Variants in SPON1 observed in about 807,000 individuals in gnomAD.
SPON1 encodes the protein spondin 1, also known as spondin-1.
Under a neutral mutation model 111.7 loss-of-function variants are expected in SPON1, and 52 were observed. The ratio of observed to expected loss-of-function variants is 0.47; its 90% CI spans 0.37 to 0.59. SPON1 has a LOEUF of 0.59. Ranked by LOEUF, SPON1 falls within the 20% of genes least tolerant of loss-of-function variation. The pLI is 0.00. For synonymous variants in SPON1, 410 were observed against 395.8 expected, an observed-to-expected ratio of 1.04 and a Z score of -0.43; for missense variants, 957 against 1,068.5, an observed-to-expected ratio of 0.90 and a Z score of 1.46.
intron 7 of SPON1, among the ~76,000 whole-genome samples, chr11:14,246,509 C>T (rs917538639): frequency 3.9e-5 from 6 of 152,116 alleles, no homozygotes; most frequent in Non-Finnish European, 7.4e-5. Flanking sequence ...TTTCCCATGT[C>T]TAAATTAATC....
chr11:14,038,967 G>A (rs1848613776), intron 2 of SPON1, among the ~76,000 whole-genome samples: 1 of 152,184 alleles, frequency 6.6e-6, no homozygotes, highest in African/African-American at 2.4e-5. Flanking sequence ...CCGTAAGTGA[G>A]TGGATAAACT....
At chr11:14,076,529 T>A (rs1848919365) in intron 4 of SPON1, among the ~76,000 whole-genome samples, 1 of 152,222 alleles carries the variant, frequency 6.6e-6, no homozygotes, top group South Asian at 2.1e-4. Flanking sequence ...TATTATATTT[T>A]TATTTTATGG....
chr11:13,980,819 G>A (rs1189919850), intron 1 of SPON1, among the ~76,000 whole-genome samples: 3 of 152,258 alleles, frequency 2.0e-5, no homozygotes, highest in East Asian at 3.9e-4. Context: ...GTGAAGCCTT[G>A]GATATAGTGT....
intron 3 of SPON1, among the ~76,000 whole-genome samples, chr11:14,064,852 GTCCT>G (rs1329533168): frequency 1.3e-5 from 2 of 152,146 alleles, no homozygotes; most frequent in Non-Finnish European, 2.9e-5. Flanking sequence ...TTCTGTGTGT[GTCCT>G]TCCTTAGGGT....
Position 14,238,062 on chromosome 11 carries a change from C to T in SPON1, c.826-5270C>T, listed in dbSNP as rs548566760. ...TTCTGAGGATTAAAACGTATATATC[C>T]ACCTTGCAAATGTGTTGTAAGGATT... On this transcript the variant is annotated intron_variant, in intron 6 of 15. Coordinates refer to ENST00000576479, the MANE Select transcript of SPON1 (RefSeq NM_006108.4). 4.1e-4 allele frequency among the ~76,000 whole-genome samples: 62 copies of T among 152,324 alleles called. 1 individual carries two copies. Among genetic ancestry groups the T allele is most frequent in the African/African-American group, 1.4e-3 (57 of 41,576 alleles).
chr11:14,194,410 C>A (rs1254269912), intron 6 of SPON1, among the ~76,000 whole-genome samples: 1 of 152,136 alleles, frequency 6.6e-6, no homozygotes, highest in African/African-American at 2.4e-5. Context: ...AAATGCCAGC[C>A]ACTGGGTCAG....
intron 2 of SPON1, among the ~76,000 whole-genome samples, chr11:13,993,404 G>A (rs1848246781): frequency 6.6e-6 from 1 of 151,670 alleles, no homozygotes; most frequent in Non-Finnish European, 1.5e-5. Flanking sequence ...AGGAACTCAG[G>A]GACTCAATTG....
At position 14,075,378 on chromosome 11, in the gene SPON1, T is replaced by G; in HGVS notation, c.513T>G (p.Phe171Leu). Residue 171 changes from phenylalanine (F) to leucine (L), a missense_variant, in exon 4 of 16, where the codon TTT becomes TTG. Around this residue, in one of 5 missense-constraint regions of SPON1, gnomAD observed 262 missense variants for 253.9 expected, o/e 1.03. Transcript: ENST00000576479. ...TCGTACAAAAACGCATTATTTATTT[T>G]CAAGATGAGGGCTCTCTGACCAAGA... Reference protein sequence around the residue: ...ASIVQKRIIYFQDEGSLTKKL... With the variant: ...ASIVQKRIIYLQDEGSLTKKL... The G allele has an allele frequency of 6.4e-7, 1 of 1,560,908 alleles. No homozygotes were observed. Among genetic ancestry groups the G allele is most frequent in the Non-Finnish European group, 8.7e-7 (1 of 1,151,458 alleles).
intron 5 of SPON1, among the ~76,000 whole-genome samples, chr11:14,091,143 C>A (rs886971558): frequency 2.0e-5 from 3 of 152,080 alleles, no homozygotes; most frequent in Admixed American, 6.5e-5. Flanking sequence ...TACAGAGTGT[C>A]GATTGGTGCA....
At chr11:14,157,955 C>G (rs1015906547) in intron 6 of SPON1, among the ~76,000 whole-genome samples, 1 of 152,104 alleles carries the variant, frequency 6.6e-6, no homozygotes, top group Non-Finnish European at 1.5e-5. Context: ...AGTCTGGTAA[C>G]TATAATATCT....
intron 6 of SPON1, among the ~76,000 whole-genome samples, chr11:14,212,385 T>C (rs1848585909): frequency 6.6e-6 from 1 of 152,244 alleles, no homozygotes; most frequent in Non-Finnish European, 1.5e-5. Flanking sequence ...TAAGATTGAA[T>C]TAAAATCATA....
chr11:13,995,034 TC>T (rs1848260873), intron 2 of SPON1, among the ~76,000 whole-genome samples: 1 of 152,242 alleles, frequency 6.6e-6, no homozygotes, highest in Non-Finnish European at 1.5e-5. Context: ...CAGTTCTTTT[TC>T]TTCAGAGTAG....
chr11:14,097,316 A>G (rs1022505531), intron 5 of SPON1, among the ~76,000 whole-genome samples: 1 of 152,348 alleles, frequency 6.6e-6, no homozygotes, highest in Admixed American at 6.5e-5. Context: ...GTTTAAAAAT[A>G]TATGCAATTT....
In SPON1 at chr11:14,172,090, A is replaced by G. The variant is rs1452623237; in HGVS notation, c.825+36522A>G. Among the ~76,000 whole-genome samples the G allele has an allele frequency of 1.1e-3, 162 of 146,162 alleles. 1 individual carries two copies. The highest frequency in any genetic ancestry group is 3.2e-3 in the African/African-American group (127 of 39,756). The stretch of plus-strand genomic sequence containing the variant: ...TTGATCTGTCTAATGTTGACAGTGG[A>G]GTGTTAAAGTCTCCCATTATTATTG... On this transcript the variant is annotated intron_variant, in intron 6 of 15. Transcript: ENST00000576479.
intron 6 of SPON1, among the ~76,000 whole-genome samples, chr11:14,140,586 G>A (rs1052880370): frequency 6.6e-6 from 1 of 152,124 alleles, no homozygotes; most frequent in African/African-American, 2.4e-5. Flanking sequence ...GTAGAGACGG[G>A]GTTTTACCAT....
chr11:14,062,127 A>C lies in SPON1; in HGVS notation c.480-13218A>C, dbSNP rs374876443. Among the ~76,000 whole-genome samples, 46 of 152,318 alleles carry C rather than the reference A, an allele frequency of 3.0e-4. No homozygotes were observed. The South Asian group carries it at 4.6e-3, about 15-fold the overall frequency. On this transcript the variant is annotated intron_variant, in intron 3 of 15. Coordinates refer to ENST00000576479, the MANE Select transcript of SPON1 (RefSeq NM_006108.4). ...ATTGCTCCGGACCTACACCTGTGTA[A>C]GTGACTCATCTTCCCTTAATTTGAC...
intron 2 of SPON1, among the ~76,000 whole-genome samples, chr11:14,022,995 T>C (rs1386127524): frequency 2.6e-5 from 4 of 152,100 alleles, no homozygotes; most frequent in Non-Finnish European, 5.9e-5. Flanking sequence ...CTCCTTAAGG[T>C]TTGTGGGCGG....
chr11:14,110,457 G>A (rs1485512729), intron 5 of SPON1, among the ~76,000 whole-genome samples: 1 of 152,162 alleles, frequency 6.6e-6, no homozygotes, highest in Admixed American at 6.5e-5. Context: ...TAAGATATAT[G>A]TATATAAAAG....
At chr11:14,003,352 G>A (rs530673632) in intron 2 of SPON1, among the ~76,000 whole-genome samples, 33 of 152,234 alleles carry the variant, frequency 2.2e-4, no homozygotes, top group Admixed American at 1.2e-3. Context: ...TCCCTGCACC[G>A]AACAGCGAGA....
Sources: gnomAD v4.1 joint callset for allele counts (sites outside exome capture counted in the v4.1 genomes callset) on GRCh38, gnomAD v4.1.1 for gene constraint, gnomAD v4.1.1 regional missense constraint, MANE v1.5 for transcripts, NCBI Gene and HGNC (gene_info 2026-07-23, HGNC 2026-07-21) for gene names.